MAGI3: variants seen among roughly 807,000 people sequenced by gnomAD.
MAGI3 encodes membrane associated guanylate kinase, WW and PDZ domain containing 3, also known as membrane-associated guanylate kinase, WW and PDZ domain-containing protein 3.
A neutral mutation model predicts 121.8 loss-of-function variants in MAGI3; 43 were observed. The ratio of observed to expected loss-of-function variants is 0.35; its 90% CI spans 0.28 to 0.46. The LOEUF (loss-of-function observed/expected upper bound fraction) is 0.46, where lower values mean the gene tolerates loss of function less well. Ranked by LOEUF, MAGI3 falls within the 20% of genes least tolerant of loss-of-function variation. The pLI, the probability that MAGI3 is intolerant of heterozygous loss-of-function variation, is 1.00. For missense variants in MAGI3, 1,547 were observed against 1,797.3 expected (o/e 0.86, Z 2.52); for synonymous variants, 553 against 639.3 (o/e 0.86, Z 2.04).
At chr1:113,586,070 A>G (rs994250807) in intron 4 of MAGI3, among the ~76,000 whole-genome samples, 3 of 152,234 alleles carry the variant, frequency 2.0e-5, no homozygotes, top group African/African-American at 7.2e-5. Context: ...AAAAATTTCA[A>G]ATATGAGACC....
At chr1:113,523,730 T>A (rs1364736018) in intron 1 of MAGI3, among the ~76,000 whole-genome samples, 1 of 152,022 alleles carries the variant, frequency 6.6e-6, no homozygotes, top group Non-Finnish European at 1.5e-5. Flanking sequence ...GTTTGGAAAA[T>A]TTGCAGCCTG....
intron 2 of MAGI3, among the ~76,000 whole-genome samples, chr1:113,572,274 T>C (rs1395800876): frequency 2.0e-5 from 3 of 152,252 alleles, no homozygotes; most frequent in African/African-American, 7.2e-5. Flanking sequence ...AGCTTTTCTA[T>C]GTGCTGCTGG....
chr1:113,453,055 A>G (rs1053737377), intron 1 of MAGI3, among the ~76,000 whole-genome samples: 2 of 152,202 alleles, frequency 1.3e-5, no homozygotes, highest in East Asian at 3.8e-4. Context: ...ATATAAGCAC[A>G]TATGTTACAA....
intron 9 of MAGI3, among the ~76,000 whole-genome samples, chr1:113,629,763 C>CCCT (rs1553209695): frequency 6.5e-3 from 294 of 45,164 alleles, no homozygotes; most frequent in Admixed American, 0.011. Flanking sequence ...TCTCTCTCTC[C>CCCT]CTCCCTCCCT....
intron 1 of MAGI3, chr1:113,449,789 A>G (rs1654387726): frequency 8.9e-7 from 1 of 1,120,240 alleles, no homozygotes; most frequent in Non-Finnish European, 1.3e-6. Context: ...ATAGTTTAAG[A>G]GAACATTTTG....
chr1:113,578,631 C>T (rs901396774), intron 2 of MAGI3, among the ~76,000 whole-genome samples: 5 of 151,958 alleles, frequency 3.3e-5, no homozygotes. Flanking sequence ...CTATGTTGCC[C>T]AGGCTTGAGT....
chr1:113,437,649 C>T (rs1021525341), intron 1 of MAGI3, among the ~76,000 whole-genome samples: 1 of 151,936 alleles, frequency 6.6e-6, no homozygotes, highest in Non-Finnish European at 1.5e-5. Flanking sequence ...TTACTCTTAT[C>T]AGTCCAAAAG....
chr1:113,515,893 G>A (rs939066055), intron 1 of MAGI3, among the ~76,000 whole-genome samples: 2 of 152,030 alleles, frequency 1.3e-5, no homozygotes, highest in African/African-American at 4.8e-5. Flanking sequence ...TTGTTGAATT[G>A]TACTATTATA....
intron 19 of MAGI3, among the ~76,000 whole-genome samples, chr1:113,676,230 A>T (rs1647858819): frequency 6.6e-6 from 1 of 152,196 alleles, no homozygotes; most frequent in African/African-American, 2.4e-5. Context: ...AATCTCAGTA[A>T]ACCAAAGGCA....
intron 2 of MAGI3, among the ~76,000 whole-genome samples, chr1:113,570,672 T>C (rs1376017936): frequency 1.3e-5 from 2 of 152,252 alleles, no homozygotes; most frequent in Non-Finnish European, 2.9e-5. Flanking sequence ...ATATGTTTGT[T>C]GGCCACATAA....
chr1:113,610,205 C>A (rs1650036471), intron 6 of MAGI3, among the ~76,000 whole-genome samples: 1 of 152,112 alleles, frequency 6.6e-6, no homozygotes, highest in South Asian at 2.1e-4. Context: ...GCGATCTCGG[C>A]TCACTGCAAG....
At chr1:113,568,328 G>A (rs1660519899) in intron 2 of MAGI3, among the ~76,000 whole-genome samples, 1 of 152,014 alleles carries the variant, frequency 6.6e-6, no homozygotes, top group African/African-American at 2.4e-5. Flanking sequence ...CCTCTATAGT[G>A]TGAAATTGAG....
intron 1 of MAGI3, among the ~76,000 whole-genome samples, chr1:113,415,880 T>C (rs1652275755): frequency 1.3e-5 from 2 of 152,018 alleles, no homozygotes; most frequent in South Asian, 4.1e-4. Context: ...GTACTGTATA[T>C]ATAGTATTCG....
Position 113,530,336 on chromosome 1 carries a change from A to AT in MAGI3, c.317-19179_317-19178insT, listed in dbSNP as rs575202675. On this transcript the variant is annotated intron_variant, in intron 1 of 20. Coordinates refer to ENST00000307546, the MANE Select transcript of MAGI3 (RefSeq NM_001142782.2). Reference sequence around the variant, plus strand: ...CCTACCAGAAAGGAAAAAAAAAAAAAAGACAACTTAACGCAGGAACAGAAA... The same window carrying AT: ...CCTACCAGAAAGGAAAAAAAAAAAAATAGACAACTTAACGCAGGAACAGAAA... Among the ~76,000 whole-genome samples the AT allele has an allele frequency of 7.6e-3, 1,156 of 151,904 alleles. 20 individuals are homozygous for AT. The highest frequency in any genetic ancestry group is 7.7e-3 in the Non-Finnish European group (526 of 67,952).
chr1:113,643,605 GCC>G, intron 10 of MAGI3, 136 bp from the exon 11 acceptor site: 1 of 724,988 alleles, frequency 1.4e-6, no homozygotes, highest in Non-Finnish European at 2.4e-6. Flanking sequence ...TATGTATAAT[GCC>G]TGGTACATAG....
chr1:113,664,540 A>G lies in MAGI3; in HGVS notation c.2815+5275A>G, dbSNP rs915932095. ...TTTAGGCCAGCCTAGATAACATAGCAAGACCTTATCTCTTAAAAAAATAAA... is the reference window on the plus strand; with the variant it reads ...TTTAGGCCAGCCTAGATAACATAGCGAGACCTTATCTCTTAAAAAAATAAA... On this transcript the variant is annotated intron_variant, in intron 16 of 20. Coordinates refer to ENST00000307546, the MANE Select transcript of MAGI3 (RefSeq NM_001142782.2). 2.0e-5 allele frequency among the ~76,000 whole-genome samples: 3 copies of G among 152,218 alleles called. No individual in the cohort carries two copies. In the East Asian group the frequency reaches 5.8e-4, roughly 29 times the overall value.
At chr1:113,550,293 G>A (rs55855422) in intron 2 of MAGI3, among the ~76,000 whole-genome samples, 34,377 of 147,094 alleles carry the variant, frequency 0.23, 4,947 homozygotes, top group South Asian at 0.38. Context: ...GCAGGCGCCT[G>A]TAATCCCAGC....
intron 1 of MAGI3, among the ~76,000 whole-genome samples, chr1:113,546,445 T>A (rs1659537379): frequency 6.6e-6 from 1 of 152,160 alleles, no homozygotes; most frequent in Non-Finnish European, 1.5e-5. Context: ...CAAGCGATTC[T>A]CCTGCCTCAG....
rs1648446587 is a variant in MAGI3 at position 113,684,737 on chromosome 1, T to C, written c.*723T>C. 8 of 152,364 alleles carry C rather than the reference T, an allele frequency of 5.3e-5. No individual in the cohort carries two copies. Among genetic ancestry groups the C allele is most frequent in the Admixed American group, 4.6e-4 (7 of 15,282 alleles). The allele number at this position is 152,364 out of a possible 1,614,324, so 9.4% of individuals were successfully genotyped here. ...TGAAATAAGAAAGTACTTTAAGCAA[T>C]AGAGTTCATCTCCTGCTGTGTTATC... is the stretch of plus-strand genomic sequence containing the variant. On this transcript the variant is annotated 3_prime_UTR_variant, in exon 21 of 21. Transcript: ENST00000307546.
Sources: gnomAD v4.1 joint callset for allele counts (sites outside exome capture counted in the v4.1 genomes callset) on GRCh38, gnomAD v4.1.1 for gene constraint, MANE v1.5 for transcripts, NCBI Gene and HGNC (gene_info 2026-07-23, HGNC 2026-07-21) for gene names.